FSTL5: variants seen among roughly 807,000 people sequenced by gnomAD.
The protein encoded by FSTL5 is follistatin like 5.
Under a neutral mutation model 89.1 loss-of-function variants are expected in FSTL5, and 62 were observed. The observed-to-expected ratio is 0.70, with a 90% CI of 0.57 to 0.86. The LOEUF (loss-of-function observed/expected upper bound fraction) is 0.86, where lower values mean the gene tolerates loss of function less well. FSTL5 is among the 40% of genes least tolerant of loss of function. FSTL5 has a pLI of 0.00. For missense variants in FSTL5, 1,057 were observed against 1,001.6 expected (o/e 1.06, Z -0.75); for synonymous variants, 383 against 346.2 (o/e 1.11, Z -1.18).
At chr4:161,714,717 T>A (rs1263199124) in intron 6 of FSTL5, among the ~76,000 whole-genome samples, 1 of 152,122 alleles carries the variant, frequency 6.6e-6, no homozygotes, top group Non-Finnish European at 1.5e-5. Flanking sequence ...TTTTAAAGGA[T>A]TTTTTTACAT....
intron 3 of FSTL5, among the ~76,000 whole-genome samples, chr4:161,983,865 G>T (rs1038762652): frequency 3.3e-5 from 5 of 151,880 alleles, no homozygotes; most frequent in African/African-American, 1.2e-4. Flanking sequence ...ATACTTCTTG[G>T]TTTCCAATGT....
chr4:161,717,770 C>T (rs28495810), intron 6 of FSTL5, among the ~76,000 whole-genome samples: 34,432 of 151,960 alleles, frequency 0.23, 4,508 homozygotes, highest in African/African-American at 0.36. Context: ...TAAATCATTT[C>T]ATTTTTTGAT....
intron 3 of FSTL5, among the ~76,000 whole-genome samples, chr4:161,926,435 C>T (rs1244510446): frequency 6.1e-5 from 9 of 147,088 alleles, no homozygotes; most frequent in African/African-American, 2.3e-4. Context: ...TTACAAGAGG[C>T]CGTATGAAAA....
chr4:161,743,101 C>A (rs1472488848), intron 6 of FSTL5, among the ~76,000 whole-genome samples: 2 of 151,672 alleles, frequency 1.3e-5, no homozygotes, highest in Non-Finnish European at 2.9e-5. Context: ...ATTTTTTTAC[C>A]TGTGTTTTTG....
chr4:161,690,385 T>C (rs1737889777), intron 6 of FSTL5, among the ~76,000 whole-genome samples: 1 of 152,140 alleles, frequency 6.6e-6, no homozygotes, highest in Non-Finnish European at 1.5e-5. Context: ...ATTTTGGTTT[T>C]GAATTGAACT....
intron 15 of FSTL5, among the ~76,000 whole-genome samples, chr4:161,442,019 T>G (rs1360253424): frequency 6.6e-6 from 1 of 152,044 alleles, no homozygotes; most frequent in African/African-American, 2.4e-5. Context: ...ACCAACTAAT[T>G]TATAGTTACC....
intron 4 of FSTL5, among the ~76,000 whole-genome samples, chr4:161,877,184 G>GAAA (rs5863494): frequency 7.9e-6 from 1 of 127,366 alleles, no homozygotes; most frequent in Non-Finnish European, 1.6e-5. Flanking sequence ...ACTCTGTCTC[G>GAAA]AAAAAAAAAA....
chr4:161,831,749 T>C (rs1730852740), intron 4 of FSTL5, among the ~76,000 whole-genome samples: 1 of 151,874 alleles, frequency 6.6e-6, no homozygotes, highest in Non-Finnish European at 1.5e-5. Flanking sequence ...ATAACTTCTG[T>C]TGTATTTGTA....
intron 4 of FSTL5, among the ~76,000 whole-genome samples, chr4:161,908,299 T>TA (rs1010117373): frequency 1.2e-3 from 180 of 151,310 alleles, no homozygotes; most frequent in African/African-American, 3.9e-3. Context: ...ATGTATTAAC[T>TA]AAAAAAAAAT....
intron 8 of FSTL5, among the ~76,000 whole-genome samples, chr4:161,555,287 C>A (rs989992619): frequency 6.6e-6 from 1 of 151,324 alleles, no homozygotes; most frequent in African/African-American, 2.4e-5. Flanking sequence ...CCTTTTTAAT[C>A]CTCAATTTCA....
chr4:161,506,839 T>C (rs753246876), intron 11 of FSTL5, among the ~76,000 whole-genome samples: 14 of 152,182 alleles, frequency 9.2e-5, no homozygotes, highest in Non-Finnish European at 2.1e-4. Flanking sequence ...TACATTTCTA[T>C]TTGTAATTTT....
chr4:161,726,905 A>G (rs1223061193), intron 6 of FSTL5, among the ~76,000 whole-genome samples: 2 of 81,120 alleles, frequency 2.5e-5, no homozygotes, highest in African/African-American at 5.7e-5. Context: ...AAAGAGCAAA[A>G]AAAAAAAATA....
intron 5 of FSTL5, among the ~76,000 whole-genome samples, chr4:161,767,889 A>G (rs1322391388): frequency 1.4e-5 from 2 of 144,178 alleles, no homozygotes; most frequent in Admixed American, 6.8e-5. Flanking sequence ...GCAATGAAAA[A>G]CAAAGACACA....
intron 4 of FSTL5, among the ~76,000 whole-genome samples, chr4:161,839,764 C>T (rs1016618332): frequency 6.6e-6 from 1 of 152,122 alleles, no homozygotes; most frequent in Non-Finnish European, 1.5e-5. Flanking sequence ...GATAGTCATA[C>T]TCTATATCTT....
intron 2 of FSTL5, among the ~76,000 whole-genome samples, chr4:162,101,541 A>T (rs546833611): frequency 1.3e-5 from 2 of 152,164 alleles, no homozygotes; most frequent in African/African-American, 4.8e-5. Flanking sequence ...GTCATCATCA[A>T]CTTAAAAATC....
At chr4:161,676,784 A>C (rs1396400666) in intron 6 of FSTL5, among the ~76,000 whole-genome samples, 2 of 150,706 alleles carry the variant, frequency 1.3e-5, no homozygotes, top group Non-Finnish European at 2.9e-5. Flanking sequence ...CACACAGAGT[A>C]ATATACAAAA....
intron 2 of FSTL5, among the ~76,000 whole-genome samples, chr4:162,049,220 T>A (rs998737141): frequency 1.3e-5 from 2 of 151,924 alleles, no homozygotes; most frequent in Non-Finnish European, 2.9e-5. Context: ...AACACCAGAG[T>A]GAGAGAAAGC....
intron 15 of FSTL5, among the ~76,000 whole-genome samples, chr4:161,416,843 TC>T (rs1731804831): frequency 8.7e-6 from 1 of 114,976 alleles, no homozygotes. Context: ...AGACTCCATC[TC>T]AAAAAAAAAA....
chr4:161,877,062 T>C (rs11722845), intron 4 of FSTL5, among the ~76,000 whole-genome samples: 83,242 of 150,678 alleles, frequency 0.55, 23,346 homozygotes, highest in East Asian at 0.66. Context: ...CGCATGCCTG[T>C]AATCCCAGCT....
Sources: gnomAD v4.1 joint callset for allele counts (sites outside exome capture counted in the v4.1 genomes callset) on GRCh38, gnomAD v4.1.1 for gene constraint, MANE v1.5 for transcripts, NCBI Gene and HGNC (gene_info 2026-07-23, HGNC 2026-07-21) for gene names.